Variants in LRSAM1 observed in about 807,000 individuals in gnomAD.
LRSAM1 encodes leucine rich repeat and sterile alpha motif containing 1, also known as E3 ubiquitin-protein ligase LRSAM1.
In LRSAM1, 96 loss-of-function variants were observed where a neutral mutation model predicts 118.1. The ratio of observed to expected loss-of-function variants is 0.81; its 90% CI spans 0.69 to 0.96. The LOEUF is 0.96. Among genes scored for constraint, LRSAM1 ranks in the 40% least tolerant of loss-of-function variants. LRSAM1 has a pLI of 0.00. For missense variants in LRSAM1, 804 were observed against 915.5 expected, an observed-to-expected ratio of 0.88 and a Z score of 1.57; for synonymous variants, 322 against 364.2, an observed-to-expected ratio of 0.88 and a Z score of 1.32.
rs1195264320 is a variant in LRSAM1, at chr9:127,501,002, C to T, written c.1913-8C>T. On this transcript the variant is annotated splice_region_variant and splice_polypyrimidine_tract_variant and intron_variant, in intron 24 of 25. Transcript: ENST00000300417. ...CCCTGGCTCAGTCTGTCTGTCTGGT[C>T]CCCACAGAGCTGAAACCACCAATGG... The T allele has an allele frequency of 1.2e-6, 2 of 1,613,860 alleles. No homozygotes were observed. The highest frequency in any genetic ancestry group is 1.7e-6 in the Non-Finnish European group (2 of 1,180,020).
chr9:127,503,264 A>G lies in LRSAM1; in HGVS notation c.*365A>G. On this transcript the variant is annotated 3_prime_UTR_variant, in exon 26 of 26. Coordinates refer to ENST00000300417, the MANE Select transcript of LRSAM1 (RefSeq NM_001005373.4). ...GGGTCCTCATCTGGGGGCCATGCAC[A>G]GGCCCGTCCCACCCTGCATGTGGGA... 1 of 335,780 alleles carries G rather than the reference A, an allele frequency of 3.0e-6. No homozygotes were observed. 20.8% of individuals were successfully genotyped at this position (335,780 alleles called of 1,614,324 possible). A position where few individuals can be genotyped will look rare whatever the true frequency, so the allele number is the denominator to read the frequency against.
intron 22 of LRSAM1, among the ~76,000 whole-genome samples, 163 bp from the exon 23 acceptor site, chr9:127,495,801 A>G (rs1382042435): frequency 6.7e-6 from 1 of 150,326 alleles, no homozygotes; most frequent in African/African-American, 2.4e-5. Context: ...CCCTGGGCCT[A>G]TCTATCTATC....
At chr9:127,455,137 A>C in intron 4 of LRSAM1, 83 bp downstream of exon 4, 1 of 1,395,234 alleles carries the variant, frequency 7.2e-7, no homozygotes, top group Non-Finnish European at 1.0e-6. Context: ...ACAGAGGTGG[A>C]CTGGGGCTTT....
intron 8 of LRSAM1, 45 bp from the exon 9 acceptor site, chr9:127,462,207 G>A: frequency 6.2e-7 from 1 of 1,612,484 alleles, no homozygotes; most frequent in Non-Finnish European, 8.5e-7. Context: ...GGAAGCTGGT[G>A]ATGGGGATTT....
chr9:127,488,124 G>C (rs1039375116), intron 18 of LRSAM1, among the ~76,000 whole-genome samples: 1 of 152,178 alleles, frequency 6.6e-6, no homozygotes, highest in African/African-American at 2.4e-5. Flanking sequence ...CTCTTCTCAT[G>C]TCCAGACCTG....
At chr9:127,487,525 T>C in intron 17 of LRSAM1, 151 bp from the exon 18 acceptor site, 1 of 680,022 alleles carries the variant, frequency 1.5e-6, no homozygotes, top group Non-Finnish European at 2.6e-6. Context: ...TCAGTGTCTG[T>C]GGCCCACCCA....
chr9:127,497,361 AGGCAGGGCTCCAGCCG>A, intron 24 of LRSAM1, 27 bp downstream of exon 24: 1 of 1,605,088 alleles, frequency 6.2e-7, no homozygotes. Flanking sequence ...AGCCTCTTCC[AGGCAGGGCTCCAGCCG>A]TATGTGTGGG....
Position 127,497,229 on chromosome 9 carries a change from CTG to C in LRSAM1, c.1831-23_1831-22del, listed in dbSNP as rs1836184090. 7 of 1,612,046 alleles carry C rather than the reference CTG, an allele frequency of 4.3e-6. No homozygotes were observed. The East Asian group carries it at 1.6e-4, about 36-fold the overall frequency. Reference sequence around the variant, plus strand: ...AGCGGGCTCCCGCCCAGGCCACAGTCTGCACTTCCTTGAACTGTCACAGGTGG... The same window carrying C: ...AGCGGGCTCCCGCCCAGGCCACAGTCCACTTCCTTGAACTGTCACAGGTGG... On this transcript the variant is annotated intron_variant, in intron 23 of 25. Transcript: ENST00000300417.
At chr9:127,497,191 G>A (rs1588138787) in intron 23 of LRSAM1, 62 bp from the exon 24 acceptor site, 1 of 1,553,058 alleles carries the variant, frequency 6.4e-7, no homozygotes. Flanking sequence ...GTGCCACGTG[G>A]CTCACACCAT....
At chr9:127,473,760 GTC>G (rs1374992881) in intron 10 of LRSAM1, 39 bp from the exon 11 acceptor site, 1 of 1,613,936 alleles carries the variant, frequency 6.2e-7, no homozygotes, top group Non-Finnish European at 8.5e-7. Context: ...TACCTCAGCT[GTC>G]TCCTCCCTCC....
intron 11 of LRSAM1, among the ~76,000 whole-genome samples, chr9:127,475,787 C>G (rs1017525771): frequency 1.3e-5 from 2 of 152,002 alleles, no homozygotes; most frequent in African/African-American, 4.8e-5. Context: ...GTTGCCCAGG[C>G]TGGAGTGCAG....
In LRSAM1 at chr9:127,485,855, T is replaced by C. The variant is rs527535011; in HGVS notation, c.1259+20T>C. 1.9e-5 allele frequency: 31 copies of C among 1,611,994 alleles called. No homozygotes were observed. In the African/African-American group the frequency reaches 2.7e-4, roughly 14 times the overall value. ...TTCCAGGTAAGGTAAGGAAGAGGAG[T>C]CCCAGGTGAGGGAGCTGGGGGAGCT... On this transcript the variant is annotated intron_variant, in intron 17 of 25. Transcript: ENST00000300417.
chr9:127,477,186 A>T (rs1835373960), intron 11 of LRSAM1, among the ~76,000 whole-genome samples: 1 of 152,088 alleles, frequency 6.6e-6, no homozygotes, highest in African/African-American at 2.4e-5. Context: ...TGGGCCTGAT[A>T]ATGACAGTTA....
chr9:127,494,593 G>A (rs1836053623), intron 21 of LRSAM1, among the ~76,000 whole-genome samples: 1 of 152,244 alleles, frequency 6.6e-6, no homozygotes, highest in Admixed American at 6.5e-5. Flanking sequence ...GTTCACTGCT[G>A]TATTCCCAGC....
At position 127,465,299 on chromosome 9, in the gene LRSAM1, A is replaced by G. The variant is rs1274629559; in HGVS notation, c.529-2441A>G. On this transcript the variant is annotated intron_variant, in intron 9 of 25. Coordinates refer to ENST00000300417, the MANE Select transcript of LRSAM1 (RefSeq NM_001005373.4). The surrounding 1 kb of genome is among the most constrained non-coding windows in gnomAD (Gnocchi z 4.1). ...ATGCTCTATGATCTGTGCAGCCAACATGGCCACCCCAGCCACTTGTAGCTG... is the reference window on the plus strand; with the variant it reads ...ATGCTCTATGATCTGTGCAGCCAACGTGGCCACCCCAGCCACTTGTAGCTG... Among the ~76,000 whole-genome samples the G allele has an allele frequency of 2.0e-5, 3 of 152,212 alleles. No homozygotes were observed. The highest frequency in any genetic ancestry group is 1.3e-4 in the Admixed American group (2 of 15,280).
At chr9:127,485,588 G>A (rs1003671217) in intron 16 of LRSAM1, 148 bp from the exon 17 acceptor site, 1 of 746,600 alleles carries the variant, frequency 1.3e-6, no homozygotes, top group African/African-American at 1.7e-5. Flanking sequence ...GGAACAAAGG[G>A]TTTTTTTTAA....
chr9:127,495,561 AG>A, intron 22 of LRSAM1, 143 bp downstream of exon 22: 1 of 746,306 alleles, frequency 1.3e-6, no homozygotes, highest in Non-Finnish European at 2.3e-6. Flanking sequence ...GCCCCAGTGG[AG>A]ACAGAAGCGA....
intron 17 of LRSAM1, 44 bp from the exon 18 acceptor site, chr9:127,487,632 G>A (rs375139081): frequency 6.9e-6 from 11 of 1,584,374 alleles, no homozygotes; most frequent in African/African-American, 5.4e-5. Context: ...GTAGGTGCTC[G>A]GGAAACGTTC....
At chr9:127,490,966 G>A (rs1353311448) in intron 19 of LRSAM1, among the ~76,000 whole-genome samples, 1 of 151,084 alleles carries the variant, frequency 6.6e-6, no homozygotes, top group African/African-American at 2.4e-5. Flanking sequence ...TCCTGTGCTG[G>A]CCTCTTGGTA....
Sources: allele counts gnomAD v4.1 joint callset (sites outside exome capture counted in the v4.1 genomes callset), GRCh38; gene constraint gnomAD v4.1.1; non-coding constraint Gnocchi (gnomAD v3.1); transcripts MANE v1.5; gene names NCBI Gene and HGNC (gene_info 2026-07-23, HGNC 2026-07-21).